Variants in RAP1A observed in about 807,000 individuals in gnomAD.
RAP1A encodes the protein RAP1A, member of RAS oncogene family, also known as ras-related protein Rap-1A.
In RAP1A, 6 loss-of-function variants were observed where a neutral mutation model predicts 26.4. That is an observed-to-expected ratio of 0.23 (90% CI 0.12 to 0.45). RAP1A has a LOEUF of 0.45. Ranked by LOEUF, RAP1A falls within the 20% of genes least tolerant of loss-of-function variation. The probability of loss-of-function intolerance (pLI) is 0.99; values close to 1 mark genes in which losing one functional copy is unlikely to be tolerated. For synonymous variants in RAP1A, 73 were observed against 79.4 expected, an observed-to-expected ratio of 0.92 and a Z score of 0.43; for missense variants, 121 against 217.2, an observed-to-expected ratio of 0.56 and a Z score of 2.78.
At chr1:111,607,668 G>A (rs1383663454) in intron 1 of RAP1A, among the ~76,000 whole-genome samples, 8 of 146,296 alleles carry the variant, frequency 5.5e-5, no homozygotes, top group Admixed American at 1.3e-4. Context: ...CCTCCCGGAC[G>A]GGGCGGCTGG....
intron 1 of RAP1A, among the ~76,000 whole-genome samples, chr1:111,632,287 C>A (rs1557871968): frequency 6.6e-6 from 1 of 151,142 alleles, no homozygotes. Flanking sequence ...AATCTCTAAA[C>A]CCTGTGTTTA....
At chr1:111,660,574 C>T (rs958197856) in intron 1 of RAP1A, among the ~76,000 whole-genome samples, 2 of 152,130 alleles carry the variant, frequency 1.3e-5, no homozygotes, top group African/African-American at 4.8e-5. Context: ...GTCAACATTC[C>T]TATCTCTTGC....
intron 1 of RAP1A, among the ~76,000 whole-genome samples, chr1:111,550,373 G>A (rs547998361): frequency 1.3e-5 from 2 of 151,534 alleles, no homozygotes; most frequent in South Asian, 4.2e-4. Context: ...TCTTGCTTTG[G>A]GTTCAGTTTG....
Position 111,709,051 on chromosome 1 carries a change from G to A in RAP1A, c.469-98G>A, listed in dbSNP as rs534903027. ...TGACTTTAAAAGAAAGAAGCAGAATGCAGATCTAAGACCAGAATAGTACTT... is the reference window on the plus strand; with the variant it reads ...TGACTTTAAAAGAAAGAAGCAGAATACAGATCTAAGACCAGAATAGTACTT... On this transcript the variant is annotated intron_variant, in intron 6 of 7. Coordinates refer to ENST00000369709, the MANE Select transcript of RAP1A (RefSeq NM_002884.4). 1.0e-5 allele frequency: 14 copies of A among 1,386,598 alleles called. No individual in the cohort carries two copies. In the South Asian group the frequency reaches 2.2e-4, roughly 22 times the overall value. The allele number at this position is 1,386,598 out of a possible 1,614,324, so 85.9% of individuals were successfully genotyped here.
intron 1 of RAP1A, among the ~76,000 whole-genome samples, chr1:111,657,577 T>C (rs1205702595): frequency 6.6e-6 from 1 of 152,176 alleles, no homozygotes; most frequent in African/African-American, 2.4e-5. Context: ...CTTCCAAGAA[T>C]TTTATGGTTT....
intron 1 of RAP1A, among the ~76,000 whole-genome samples, chr1:111,676,864 A>G (rs904481960): frequency 1.3e-5 from 2 of 150,918 alleles, no homozygotes; most frequent in African/African-American, 4.9e-5. Context: ...TACAATCTCA[A>G]CTCACTGTAC....
intron 1 of RAP1A, among the ~76,000 whole-genome samples, chr1:111,553,497 G>T (rs1217937554): frequency 6.6e-6 from 1 of 151,256 alleles, no homozygotes; most frequent in East Asian, 2.0e-4. Flanking sequence ...TAGCTTACAT[G>T]CAGAGTAAAA....
chr1:111,701,753 C>A (rs1662029459), intron 4 of RAP1A, among the ~76,000 whole-genome samples: 1 of 152,154 alleles, frequency 6.6e-6, no homozygotes, highest in Non-Finnish European at 1.5e-5. Context: ...GAAGCAGAGA[C>A]CATGATCTCT....
intron 1 of RAP1A, among the ~76,000 whole-genome samples, chr1:111,544,721 A>G (rs1477843919): frequency 1.3e-5 from 2 of 152,286 alleles, no homozygotes; most frequent in African/African-American, 4.8e-5. Context: ...CAAAACGTAC[A>G]TGAACATCCA....
upstream of RAP1A, chr1:111,619,788 C>A (rs183135557): frequency 3.0e-5 from 12 of 397,652 alleles, no homozygotes; most frequent in African/African-American, 2.5e-4. Flanking sequence ...GAGGAGGCGC[C>A]GCCGCCGCTC....
chr1:111,592,828 G>A (rs1050785537), intron 1 of RAP1A, among the ~76,000 whole-genome samples: 5 of 152,010 alleles, frequency 3.3e-5, no homozygotes, highest in African/African-American at 9.7e-5. Context: ...CCTCCCATCT[G>A]CACGCCCCCA....
At chr1:111,646,926 A>G (rs1660089591) in intron 1 of RAP1A, among the ~76,000 whole-genome samples, 1 of 152,216 alleles carries the variant, frequency 6.6e-6, no homozygotes, top group South Asian at 2.1e-4. Context: ...CCAAGATAAC[A>G]TTAGTCAAAC....
chr1:111,675,242 G>A, intron 1 of RAP1A, among the ~76,000 whole-genome samples: 1 of 152,134 alleles, frequency 6.6e-6, no homozygotes, highest in East Asian at 1.9e-4. Flanking sequence ...AGCACTTTGG[G>A]AGGCCGAGGC....
chr1:111,649,291 G>A, intron 1 of RAP1A: 1 of 452,578 alleles, frequency 2.2e-6, no homozygotes. Flanking sequence ...CTCTCACTCT[G>A]TCCAGGTAGG....
At chr1:111,696,779 T>G (rs1661843002) in intron 3 of RAP1A, among the ~76,000 whole-genome samples, 1 of 152,192 alleles carries the variant, frequency 6.6e-6, no homozygotes. Context: ...TAGACCAACC[T>G]TCTTTTCTTT....
rs994988276 is a variant in RAP1A, at chr1:111,557,011, G to A, written c.-28+14502G>A. 2.0e-5 allele frequency among the ~76,000 whole-genome samples: 3 copies of A among 152,084 alleles called. No individual in the cohort carries two copies. The East Asian group carries it at 5.8e-4, about 29-fold the overall frequency. ...AAAAGATGCAAATATTCAACTTAAG[G>A]AATCACAAAGAATCCCTCATAAAAC... On this transcript the variant is annotated intron_variant, in intron 1 of 7. Coordinates refer to the RAP1A transcript ENST00000356415.
intron 2 of RAP1A, among the ~76,000 whole-genome samples, chr1:111,693,785 C>T (rs1661746331): frequency 6.6e-6 from 1 of 152,050 alleles, no homozygotes; most frequent in Non-Finnish European, 1.5e-5. Context: ...TCTTAGAATA[C>T]ATCTTAGTAT....
chr1:111,586,828 A>G (rs1658373827), intron 1 of RAP1A, among the ~76,000 whole-genome samples: 1 of 152,210 alleles, frequency 6.6e-6, no homozygotes, highest in Non-Finnish European at 1.5e-5. Flanking sequence ...ATTGCTTCTT[A>G]TGGCAAACTG....
At chr1:111,569,811 T>A (rs1279970504) in intron 1 of RAP1A, among the ~76,000 whole-genome samples, 1 of 152,062 alleles carries the variant, frequency 6.6e-6, no homozygotes, top group African/African-American at 2.4e-5. Context: ...AGTATTAGAA[T>A]CTCCCACTTT....
Sources: gnomAD v4.1 joint callset for allele counts (sites outside exome capture counted in the v4.1 genomes callset) on GRCh38, gnomAD v4.1.1 for gene constraint, MANE v1.5 for transcripts, NCBI Gene and HGNC (gene_info 2026-07-23, HGNC 2026-07-21) for gene names.